PACRG: variants seen among roughly 807,000 people sequenced by gnomAD.
PACRG encodes the protein parkin coregulated gene protein.
Under a neutral mutation model 29.7 loss-of-function variants are expected in PACRG, and 29 were observed. The ratio of observed to expected loss-of-function variants is 0.98; its 90% CI spans 0.73 to 1.33. The LOEUF (loss-of-function observed/expected upper bound fraction) is 1.33, where lower values mean the gene tolerates loss of function less well. Among genes scored for constraint, PACRG ranks in the 40% most tolerant of loss-of-function variants. The pLI is 0.00. For missense variants in PACRG, 279 were observed against 316.2 expected (o/e 0.88, Z 0.89); for synonymous variants, 116 against 118.7 (o/e 0.98, Z 0.15).
intron 2 of PACRG, among the ~76,000 whole-genome samples, chr6:162,995,135 T>C (rs1803865829): frequency 6.6e-6 from 1 of 150,496 alleles, no homozygotes; most frequent in African/African-American, 2.5e-5. Flanking sequence ...GAACCACTGC[T>C]CTCTTCAAAG....
intron 2 of PACRG, among the ~76,000 whole-genome samples, chr6:162,846,703 T>G (rs1257774032): frequency 2.0e-5 from 3 of 152,232 alleles, no homozygotes; most frequent in Non-Finnish European, 4.4e-5. Flanking sequence ...CCACCATATT[T>G]ATCCCTACCC....
At chr6:162,916,087 G>T (rs1337118552) in intron 2 of PACRG, among the ~76,000 whole-genome samples, 1 of 152,052 alleles carries the variant, frequency 6.6e-6, no homozygotes, top group Non-Finnish European at 1.5e-5. Context: ...ATAAGATAAT[G>T]AATTTTCTTA....
intron 4 of PACRG, among the ~76,000 whole-genome samples, chr6:163,128,204 T>C (rs945578819): frequency 6.6e-6 from 1 of 152,198 alleles, no homozygotes; most frequent in Admixed American, 6.5e-5. Context: ...TAGGCTTTCT[T>C]TGGAACAAGA....
chr6:162,949,159 A>G (rs1274187425), intron 2 of PACRG, among the ~76,000 whole-genome samples: 1 of 152,182 alleles, frequency 6.6e-6, no homozygotes, highest in Non-Finnish European at 1.5e-5. Flanking sequence ...ATACAGTGGA[A>G]TACTATTCAG....
At chr6:163,204,556 G>A (rs1490986760) in intron 4 of PACRG, among the ~76,000 whole-genome samples, 1 of 152,130 alleles carries the variant, frequency 6.6e-6, no homozygotes, top group Non-Finnish European at 1.5e-5. Context: ...GGGCTGTAAT[G>A]CATGAAAGAT....
rs78136524 is a variant in PACRG at position 163,094,283 on chromosome 6, G to A, written c.613+4875G>A. 3.6e-3 allele frequency among the ~76,000 whole-genome samples: 549 copies of A among 152,282 alleles called. 12 individuals are homozygous for A. In the East Asian group the frequency reaches 0.065, roughly 18 times the overall value. On this transcript the variant is annotated intron_variant, in intron 4 of 4. Coordinates refer to ENST00000366888, the MANE Select transcript of PACRG (RefSeq NM_001080379.2). ...CCCATGGAATTCTGAACAATTCTGCGTTCATGATTTACATTTTAGAAATTT... is the reference window on the plus strand; with the variant it reads ...CCCATGGAATTCTGAACAATTCTGCATTCATGATTTACATTTTAGAAATTT...
chr6:162,815,680 T>C (rs1376633109), intron 2 of PACRG, among the ~76,000 whole-genome samples: 1 of 152,082 alleles, frequency 6.6e-6, no homozygotes, highest in Non-Finnish European at 1.5e-5. Flanking sequence ...CGTGTATAAC[T>C]AACTTTCATA....
intron 4 of PACRG, among the ~76,000 whole-genome samples, chr6:163,240,002 C>G (rs113813995): frequency 8.8e-5 from 13 of 148,158 alleles, no homozygotes; most frequent in Admixed American, 3.4e-4. Flanking sequence ...ACTCACACCC[C>G]CATGCCCACA....
intron 4 of PACRG, among the ~76,000 whole-genome samples, chr6:163,308,665 C>CAAA (rs34275762): frequency 6.1e-5 from 8 of 131,394 alleles, no homozygotes; most frequent in African/African-American, 2.1e-4. Context: ...GGCTCCGTCT[C>CAAA]AAAAAAAAAA....
intron 4 of PACRG, chr6:163,189,864 C>T (rs973971887): frequency 4.6e-5 from 7 of 152,332 alleles, no homozygotes; most frequent in East Asian, 1.9e-4. Flanking sequence ...CACTGGTCAC[C>T]GCAGGGCATA....
In PACRG at chr6:163,179,309, C is replaced by T. The variant is rs1352996476; in HGVS notation, c.613+89901C>T. Reference sequence around the variant, plus strand: ...AGCCTTCCTTCCCACCACACCTGCACCTTGCTGAGCCACTGCTCCCAAGAC... The same window carrying T: ...AGCCTTCCTTCCCACCACACCTGCATCTTGCTGAGCCACTGCTCCCAAGAC... On this transcript the variant is annotated intron_variant, in intron 4 of 4. Coordinates refer to ENST00000366888, the MANE Select transcript of PACRG (RefSeq NM_001080379.2). 3 of 453,340 alleles carry T rather than the reference C, an allele frequency of 6.6e-6. No individual in the cohort carries two copies. The Admixed American group carries it at 7.1e-5, about 11-fold the overall frequency. 28.1% of individuals were successfully genotyped at this position (453,340 alleles called of 1,614,324 possible). A position where few individuals can be genotyped will look rare whatever the true frequency, so the allele number is the denominator to read the frequency against.
At chr6:163,026,296 C>T (rs1261047614) in intron 2 of PACRG, among the ~76,000 whole-genome samples, 2 of 152,192 alleles carry the variant, frequency 1.3e-5, no homozygotes, top group African/African-American at 4.8e-5. Context: ...AGACAAATGT[C>T]AAGGAAATCT....
intron 4 of PACRG, among the ~76,000 whole-genome samples, chr6:163,276,671 G>C (rs1784039633): frequency 6.6e-6 from 1 of 152,194 alleles, no homozygotes; most frequent in South Asian, 2.1e-4. Context: ...GGGGTGATTA[G>C]ATCATGAGGG....
intron 4 of PACRG, among the ~76,000 whole-genome samples, chr6:163,109,663 T>C (rs1385477680): frequency 6.6e-6 from 1 of 152,216 alleles, no homozygotes; most frequent in Non-Finnish European, 1.5e-5. Context: ...TGCTTTGAAG[T>C]CTCAGCACAT....
chr6:162,797,982 C>T (rs2128336843), intron 1 of PACRG, among the ~76,000 whole-genome samples: 1 of 152,268 alleles, frequency 6.6e-6, no homozygotes, highest in South Asian at 2.1e-4. Context: ...TCCTGGCAAG[C>T]TATTTGGTCA....
At chr6:162,964,959 C>G (rs1800909823) in intron 2 of PACRG, among the ~76,000 whole-genome samples, 1 of 152,224 alleles carries the variant, frequency 6.6e-6, no homozygotes, top group Non-Finnish European at 1.5e-5. Flanking sequence ...TATGTATCTG[C>G]TGCTGTCTCC....
chr6:163,218,098 T>G (rs1781433951), intron 4 of PACRG, among the ~76,000 whole-genome samples: 1 of 152,176 alleles, frequency 6.6e-6, no homozygotes, highest in Non-Finnish European at 1.5e-5. Context: ...GGGTGTTGTA[T>G]TCTTCATTCT....
intron 4 of PACRG, among the ~76,000 whole-genome samples, chr6:163,277,825 G>C (rs1784100055): frequency 6.6e-6 from 1 of 151,942 alleles, no homozygotes; most frequent in South Asian, 2.1e-4. Context: ...TTCATGTCAT[G>C]ACTTCTTTTC....
intron 2 of PACRG, among the ~76,000 whole-genome samples, chr6:162,947,308 T>TGATC (rs1799102662): frequency 3.5e-5 from 4 of 113,486 alleles, no homozygotes; most frequent in Admixed American, 9.8e-5. Flanking sequence ...ATATAATATA[T>TGATC]ATAATCATAT....
Sources: gnomAD v4.1 joint callset for allele counts (sites outside exome capture counted in the v4.1 genomes callset) on GRCh38, gnomAD v4.1.1 for gene constraint, MANE v1.5 for transcripts, NCBI Gene and HGNC (gene_info 2026-07-23, HGNC 2026-07-21) for gene names.